Variants in CLTCL1 observed in about 807,000 individuals in gnomAD.
The protein encoded by CLTCL1 is clathrin heavy chain like 1, also known as clathrin heavy chain 2.
Under a neutral mutation model 190.0 loss-of-function variants are expected in CLTCL1, and 159 were observed. The ratio of observed to expected loss-of-function variants is 0.84; its 90% CI spans 0.74 to 0.95. The LOEUF (loss-of-function observed/expected upper bound fraction) is 0.95. CLTCL1 is among the 40% of genes least tolerant of loss of function. The probability of loss-of-function intolerance (pLI) is 0.00; values close to 1 mark genes in which losing one functional copy is unlikely to be tolerated. For missense variants in CLTCL1, 1,878 were observed against 2,033.4 expected (o/e 0.92, Z 1.47); for synonymous variants, 752 against 769.6 (o/e 0.98, Z 0.38).
intron 2 of CLTCL1, chr22:19,257,546 C>G (rs2146123759): frequency 2.7e-6 from 1 of 371,878 alleles, no homozygotes. Context: ...ACTCCACTAC[C>G]TTCTCTACTA....
chr22:19,201,074 T>C (rs530787193), intron 23 of CLTCL1, among the ~76,000 whole-genome samples: 339 of 152,348 alleles, frequency 2.2e-3, no homozygotes, highest in Middle Eastern at 0.014. Flanking sequence ...TTTAAAAGTG[T>C]TATGAAAATA....
Position 19,188,106 on chromosome 22 carries a change from G to C in CLTCL1, c.4324-15C>G. ...AGCTGACCTGCCTGACAAGTTGAGG[G>C]AACCGTCAAGGCACTTGGCCAAGCT... On this transcript the variant is annotated splice_polypyrimidine_tract_variant and intron_variant, in intron 27 of 32. Transcript: ENST00000427926. 6.2e-7 allele frequency: 1 copy of C among 1,612,644 alleles called. No individual in the cohort carries two copies. The highest frequency in any genetic ancestry group is 8.5e-7 in the Non-Finnish European group (1 of 1,178,700).
At chr22:19,264,894 T>A (rs1555977204) in intron 2 of CLTCL1, among the ~76,000 whole-genome samples, 1 of 152,140 alleles carries the variant, frequency 6.6e-6, no homozygotes, top group South Asian at 2.1e-4. Flanking sequence ...ATTCAAGTGA[T>A]TGTCCTCCTT....
chr22:19,221,022 G>A (rs527925565), intron 17 of CLTCL1, among the ~76,000 whole-genome samples: 1 of 152,262 alleles, frequency 6.6e-6, no homozygotes, highest in South Asian at 2.1e-4. Flanking sequence ...CTCTCCAGGT[G>A]GGGTGGCAAG....
At chr22:19,273,041 G>A (rs782573467) in intron 2 of CLTCL1, among the ~76,000 whole-genome samples, 7 of 152,070 alleles carry the variant, frequency 4.6e-5, no homozygotes, top group Non-Finnish European at 8.8e-5. Flanking sequence ...GATACAAGGT[G>A]CAGCACCCCC....
At position 19,233,503 on chromosome 22, in the gene CLTCL1, T is replaced by C; in HGVS notation, c.1287A>G (p.Lys429=). 6.2e-7 allele frequency: 1 copy of C among 1,613,966 alleles called. No individual in the cohort carries two copies. The highest frequency in any genetic ancestry group is 8.5e-7 in the Non-Finnish European group (1 of 1,179,890). ...GATGGCAAAGTTCTAAGGATTCAAG[T>C]TTATTGAGCTGACCCTGGTCGAGCA... ...GILLDQGQLN[K]LESLELCHLV... is the part of the protein sequence containing the mutation. The change falls in exon 8 of 33, where the codon AAA becomes AAG. Residue 429 remains lysine, a synonymous_variant. Transcript: ENST00000427926.
In CLTCL1 at chr22:19,255,266, C is replaced by T. The variant is rs145357883; in HGVS notation, c.251-1039G>A. ...TGCAGCAAGATGCAAAGACAACCTA[C>T]AAAAATTTCAATTGGGCTGGGCACA... is the stretch of plus-strand genomic sequence containing the variant. On this transcript the variant is annotated intron_variant, in intron 2 of 32. Transcript: ENST00000427926. Among the ~76,000 whole-genome samples the T allele has an allele frequency of 5.7e-4, 86 of 152,212 alleles. 1 individual carries two copies. The highest frequency in any genetic ancestry group is 2.0e-3 in the African/African-American group (83 of 41,532).
At chr22:19,236,011 G>A in intron 5 of CLTCL1, 142 bp from the exon 6 acceptor site, 1 of 725,550 alleles carries the variant, frequency 1.4e-6, no homozygotes, top group East Asian at 2.8e-5. Flanking sequence ...CCAGGCTGGA[G>A]TGTAGTGGTG....
Position 19,226,265 on chromosome 22 carries a change from T to C in CLTCL1, c.1901A>G (p.Tyr634Cys), listed in dbSNP as rs1468208127. Reference protein sequence around the residue: ...QQALEHYTDLYDIKRAVVHTH... With the variant: ...QQALEHYTDLCDIKRAVVHTH... ...GTGGACCACAGCCCTCTTGATGTCA[T>C]AGAGGTCGGTGTAGTGCTCCAGTGC... The change falls in exon 12 of 33, where the codon TAT becomes TGT. Residue 634 changes from tyrosine to cysteine, a missense_variant. Physicochemically the swap from Tyr to Cys is radical, Grantham distance 194. Transcript: ENST00000427926. The C allele has an allele frequency of 9.9e-6, 16 of 1,613,870 alleles. No individual in the cohort carries two copies. Among genetic ancestry groups the C allele is most frequent in the African/African-American group, 6.7e-5 (5 of 74,938 alleles).
intron 11 of CLTCL1, among the ~76,000 whole-genome samples, chr22:19,226,897 C>T (rs1389164802): frequency 6.6e-6 from 1 of 151,998 alleles, no homozygotes; most frequent in East Asian, 1.9e-4. Flanking sequence ...ACCAACATGC[C>T]TGGCTTATTT....
At chr22:19,186,899 C>G (rs1162576216) in intron 29 of CLTCL1, among the ~76,000 whole-genome samples, 4 of 151,848 alleles carry the variant, frequency 2.6e-5, no homozygotes, top group African/African-American at 7.3e-5. Context: ...CCACGTCCAG[C>G]CTTTGAATGT....
intron 3 of CLTCL1, among the ~76,000 whole-genome samples, chr22:19,245,602 A>G (rs2086395552): frequency 6.6e-6 from 1 of 152,208 alleles, no homozygotes; most frequent in South Asian, 2.1e-4. Context: ...CCAAAACCTC[A>G]TCATAGTTCC....
intron 5 of CLTCL1, among the ~76,000 whole-genome samples, 166 bp from the exon 6 acceptor site, chr22:19,236,035 C>T (rs1371971209): frequency 3.3e-5 from 5 of 152,184 alleles, no homozygotes; most frequent in Non-Finnish European, 5.9e-5. Flanking sequence ...CCATAGCTCA[C>T]TGCAACTTCC....
chr22:19,240,444 G>A (rs1423064225), intron 4 of CLTCL1, among the ~76,000 whole-genome samples: 1 of 151,978 alleles, frequency 6.6e-6, no homozygotes, highest in Non-Finnish European at 1.5e-5. Flanking sequence ...GAGAGAGGAG[G>A]GAAACACCAA....
rs745455256 is a variant in CLTCL1, at chr22:19,221,398, C to T, written c.2775G>A (p.Gln925=). The change falls in exon 17 of 33, where the codon CAG becomes CAA. Residue 925 remains glutamine, a synonymous_variant. Transcript: ENST00000427926. ...CCACCTTGATGAGCTCAAGGTCACA[C>T]TGCCCCCGCTCATAGGCAACACAGG... ...HLACVAYERG[Q]CDLELIKVCN... 1.3e-6 allele frequency: 2 copies of T among 1,553,622 alleles called. No homozygotes were observed. The highest frequency in any genetic ancestry group is 1.4e-5 in the African/African-American group (1 of 73,370).
chr22:19,212,600 A>AAGAAAGAAAGAAAGG (rs1779665472), intron 19 of CLTCL1, among the ~76,000 whole-genome samples: 1 of 148,832 alleles, frequency 6.7e-6, no homozygotes. Flanking sequence ...AGAAAGAAAG[A>AAGAAAGAAAGAAAGG]AAGGAAGGAA....
chr22:19,257,651 C>G (rs1453870821), intron 2 of CLTCL1: 2 of 460,616 alleles, frequency 4.3e-6, no homozygotes, highest in South Asian at 1.8e-5. Flanking sequence ...GGGATTTGGG[C>G]TCCCAGATCT....
rs555559962 is a variant in CLTCL1, at chr22:19,222,773, C to T, written c.2329G>A (p.Val777Met). The change falls in exon 15 of 33, where the codon GTG (valine) becomes ATG (methionine). Residue 777 changes from valine (V) to methionine (M), a missense_variant. Val to Met is a conservative substitution (Grantham distance 21). Transcript: ENST00000427926. ...KLTDQLPLIIVCDRFGFVHDL... is the reference protein window; with the variant it reads ...KLTDQLPLIIMCDRFGFVHDL... ...TGGACAAAGCCAAAACGATCACACA[C>T]GATGATGAGGGGAAGCTGGTCTGTG... The T allele has an allele frequency of 1.3e-5, 21 of 1,600,416 alleles. No homozygotes were observed. In the Admixed American group the frequency reaches 1.7e-4, roughly 13 times the overall value.
At position 19,194,812 on chromosome 22, in the gene CLTCL1, G is replaced by A. The variant is rs1429958334; in HGVS notation, c.4191+1454C>T. On this transcript the variant is annotated intron_variant, in intron 26 of 32. Coordinates refer to ENST00000427926, the MANE Select transcript of CLTCL1 (RefSeq NM_007098.4). ...TATGGCTAAGTGGATTCCTGCTATCGTGTGCCCCAAATACAGATTGGATGT... is the reference window on the plus strand; with the variant it reads ...TATGGCTAAGTGGATTCCTGCTATCATGTGCCCCAAATACAGATTGGATGT... Among the ~76,000 whole-genome samples the A allele has an allele frequency of 6.6e-5, 10 of 152,274 alleles. No homozygotes were observed. In the South Asian group the frequency reaches 1.0e-3, roughly 16 times the overall value.
Sources: gnomAD v4.1 joint callset for allele counts (sites outside exome capture counted in the v4.1 genomes callset) on GRCh38, gnomAD v4.1.1 for gene constraint, MANE v1.5 for transcripts, NCBI Gene and HGNC (gene_info 2026-07-23, HGNC 2026-07-21) for gene names.